The following RBFOX1 variants were observed in gnomAD, a reference collection of about 807,000 sequenced individuals.
RBFOX1 encodes RNA binding fox-1 homolog 1.
RBFOX1 carries 8 observed loss-of-function variants against 57.7 expected under a neutral mutation model. The ratio of observed to expected loss-of-function variants is 0.14; its 90% CI spans 0.08 to 0.25. The LOEUF is 0.25. Among genes scored for constraint, RBFOX1 ranks in the 10% least tolerant of loss-of-function variants. The pLI is 1.00. For synonymous variants in RBFOX1, 326 were observed against 222.4 expected, an observed-to-expected ratio of 1.47 and a Z score of -4.15; for missense variants, 611 against 548.5, an observed-to-expected ratio of 1.11 and a Z score of -1.14.
At chr16:5,700,085 G>A (rs2050989025) in intron 3 of RBFOX1, among the ~76,000 whole-genome samples, 1 of 152,266 alleles carries the variant, frequency 6.6e-6, no homozygotes, top group East Asian at 1.9e-4. Context: ...GCCCGCCTTG[G>A]CCTCCCAAAG....
At chr16:5,902,345 G>C (rs575241930) in intron 4 of RBFOX1, among the ~76,000 whole-genome samples, 1 of 152,244 alleles carries the variant, frequency 6.6e-6, no homozygotes, top group East Asian at 1.9e-4. Context: ...CTCATCCTCT[G>C]TTTTCCCACA....
At chr16:7,077,005 C>T (rs1392850580) in intron 4 of RBFOX1, among the ~76,000 whole-genome samples, 1 of 152,168 alleles carries the variant, frequency 6.6e-6, no homozygotes, top group Non-Finnish European at 1.5e-5. Flanking sequence ...GAGAGGTGGG[C>T]AAAGACATCC....
At chr16:7,468,354 T>C (rs1475878753) in intron 4 of RBFOX1, among the ~76,000 whole-genome samples, 1 of 152,158 alleles carries the variant, frequency 6.6e-6, no homozygotes, top group Non-Finnish European at 1.5e-5. Flanking sequence ...CCCCTGCGTG[T>C]ATCCCGATTA....
chr16:6,665,735 T>G (rs2098728544), intron 3 of RBFOX1, among the ~76,000 whole-genome samples: 2 of 151,886 alleles, frequency 1.3e-5, no homozygotes, highest in Admixed American at 1.3e-4. Flanking sequence ...TACCTTGCAT[T>G]GAGGATTTAC....
At chr16:7,231,320 C>T (rs1888462402) in intron 4 of RBFOX1, among the ~76,000 whole-genome samples, 2 of 152,112 alleles carry the variant, frequency 1.3e-5, no homozygotes, top group Non-Finnish European at 1.5e-5. Context: ...CAGAATGAAT[C>T]AGGAATCGAC....
chr16:5,275,401 C>T (rs1272148153), intron 1 of RBFOX1, among the ~76,000 whole-genome samples: 8 of 152,168 alleles, frequency 5.3e-5, no homozygotes, highest in Non-Finnish European at 1.2e-4. Context: ...TATACACCAA[C>T]AGCAACCAGG....
chr16:7,282,764 A>G (rs999550156), intron 4 of RBFOX1, among the ~76,000 whole-genome samples: 3 of 152,074 alleles, frequency 2.0e-5, no homozygotes, highest in Non-Finnish European at 4.4e-5. Context: ...CCCAAAGTCC[A>G]CTGTGTCATT....
At chr16:5,845,079 T>TTC (rs2056721380) in intron 3 of RBFOX1, among the ~76,000 whole-genome samples, 2 of 139,136 alleles carry the variant, frequency 1.4e-5, no homozygotes, top group South Asian at 4.7e-4. Flanking sequence ...TTTTTTTTTT[T>TTC]CTGTAACACG....
chr16:6,808,077 AATC>A (rs966595954), intron 3 of RBFOX1, among the ~76,000 whole-genome samples: 4 of 150,700 alleles, frequency 2.7e-5, no homozygotes, highest in African/African-American at 9.8e-5. Flanking sequence ...ATATATATAT[AATC>A]ATACTCAATA....
At chr16:5,643,302 G>GT (rs1352406104) in intron 3 of RBFOX1, among the ~76,000 whole-genome samples, 1 of 152,098 alleles carries the variant, frequency 6.6e-6, no homozygotes, top group Non-Finnish European at 1.5e-5. Context: ...CTTGATTATC[G>GT]TTTTTTTAGG....
intron 1 of RBFOX1, among the ~76,000 whole-genome samples, chr16:5,326,542 A>G (rs112863822): frequency 6.6e-6 from 1 of 152,116 alleles, no homozygotes; most frequent in African/African-American, 2.4e-5. Flanking sequence ...CCCTGGTACG[A>G]TGCACTCCCT....
chr16:5,452,667 A>C (rs1418356685), intron 1 of RBFOX1, among the ~76,000 whole-genome samples: 1 of 150,534 alleles, frequency 6.6e-6, no homozygotes, highest in Non-Finnish European at 1.5e-5. Context: ...TTTTTGAGAC[A>C]GAGTCTCACT....
chr16:6,595,034 G>T (rs113366459), intron 2 of RBFOX1, among the ~76,000 whole-genome samples: 2,052 of 152,220 alleles, frequency 0.013, 17 homozygotes, highest in Non-Finnish European at 0.016. Context: ...TTATCCACCC[G>T]CCTCTGCCTC....
At chr16:5,872,249 CAAG>C (rs1339745780) in intron 4 of RBFOX1, among the ~76,000 whole-genome samples, 1 of 152,110 alleles carries the variant, frequency 6.6e-6, no homozygotes. Context: ...GCTGTTTCAT[CAAG>C]AAGGTTACAG....
At chr16:6,976,084 C>G (rs1568177219) in intron 3 of RBFOX1, among the ~76,000 whole-genome samples, 1 of 152,086 alleles carries the variant, frequency 6.6e-6, no homozygotes. Context: ...CCAAGATCGT[C>G]CCACTGCAGT....
rs184041552 is a variant in RBFOX1, at chr16:7,117,400, G to T, written c.27+65302G>T. 1.6e-3 allele frequency among the ~76,000 whole-genome samples: 247 copies of T among 152,296 alleles called. 1 individual carries two copies. Among genetic ancestry groups the T allele is most frequent in the Non-Finnish European group, 2.4e-3 (165 of 68,022 alleles). On this transcript the variant is annotated intron_variant, in intron 4 of 15. Transcript: ENST00000550418. ...ATGTGGATGTGAAGGGAAGCAACAT[G>T]GGGCATGATTATTAAGAGTACAGCT... is the stretch of plus-strand genomic sequence containing the variant.
chr16:5,390,435 C>T lies in RBFOX1; in HGVS notation c.220-76781C>T, dbSNP rs191712120. ...TCCTGAGTAGCTGGGATTACAGGCG[C>T]CCACGACTACACTCGGCTACTTTTT... On this transcript the variant is annotated intron_variant, in intron 1 of 2. Coordinates refer to the RBFOX1 transcript ENST00000585867. 2.5e-3 allele frequency among the ~76,000 whole-genome samples: 374 copies of T among 151,804 alleles called. 4 individuals carry two copies. The highest frequency in any genetic ancestry group is 0.023 in the South Asian group (110 of 4,812).
chr16:7,270,073 A>T (rs1252928352), intron 4 of RBFOX1, among the ~76,000 whole-genome samples: 1 of 152,214 alleles, frequency 6.6e-6, no homozygotes, highest in Non-Finnish European at 1.5e-5. Context: ...GAAAGTAGAT[A>T]CTACTGTCCT....
At chr16:7,461,898 C>G (rs1201034834) in intron 4 of RBFOX1, among the ~76,000 whole-genome samples, 1 of 152,138 alleles carries the variant, frequency 6.6e-6, no homozygotes, top group Admixed American at 6.6e-5. Context: ...ATCCTTGGTA[C>G]CCACTCCAGA....
Sources: gnomAD v4.1 joint callset for allele counts (sites outside exome capture counted in the v4.1 genomes callset) on GRCh38, gnomAD v4.1.1 for gene constraint, MANE v1.5 for transcripts, NCBI Gene and HGNC (gene_info 2026-07-23, HGNC 2026-07-21) for gene names.